The following PISD variants were observed in gnomAD, a reference collection of about 807,000 sequenced individuals.
PISD encodes phosphatidylserine decarboxylase.
Under a neutral mutation model 43.5 loss-of-function variants are expected in PISD, and 31 were observed. The ratio of observed to expected loss-of-function variants is 0.71; its 90% CI spans 0.54 to 0.96. The LOEUF (loss-of-function observed/expected upper bound fraction) is 0.96. Among genes scored for constraint, PISD ranks in the 40% least tolerant of loss-of-function variants. The probability of loss-of-function intolerance (pLI) is 0.00; values close to 1 mark genes in which losing one functional copy is unlikely to be tolerated. For synonymous variants in PISD, 259 were observed against 228.7 expected, an observed-to-expected ratio of 1.13 and a Z score of -1.20; for missense variants, 523 against 548.4, an observed-to-expected ratio of 0.95 and a Z score of 0.46.
chr22:31,643,481 G>C (rs2073796171), intron 3 of PISD, among the ~76,000 whole-genome samples: 1 of 152,108 alleles, frequency 6.6e-6, no homozygotes. Context: ...CATACCTACA[G>C]TCCACTACTG....
chr22:31,631,310 G>A (rs1330520888), intron 3 of PISD, among the ~76,000 whole-genome samples: 2 of 152,168 alleles, frequency 1.3e-5, no homozygotes, highest in Non-Finnish European at 2.9e-5. Flanking sequence ...TGAACAGAAA[G>A]CCACCCCTGC....
intron 1 of PISD, among the ~76,000 whole-genome samples, chr22:31,659,004 C>A (rs1339507523): frequency 6.6e-6 from 1 of 151,992 alleles, no homozygotes; most frequent in Admixed American, 6.6e-5. Flanking sequence ...CATGTATGCA[C>A]CACTATGACC....
At chr22:31,627,397 C>G (rs1014746288) in intron 3 of PISD, among the ~76,000 whole-genome samples, 1 of 152,262 alleles carries the variant, frequency 6.6e-6, no homozygotes. Flanking sequence ...ATAGACAGCC[C>G]CAGTGTCCAG....
intron 3 of PISD, chr22:31,626,206 T>A: frequency 3.3e-6 from 1 of 303,542 alleles, no homozygotes; most frequent in Non-Finnish European, 5.5e-6. Flanking sequence ...GGGGAGGCAG[T>A]AGGGGGCAAG....
chr22:31,621,545 C>G, intron 4 of PISD, 73 bp from the exon 5 acceptor site: 1 of 1,602,268 alleles, frequency 6.2e-7, no homozygotes, highest in East Asian at 2.2e-5. Context: ...CCCCACCTCC[C>G]CTTGTCATCC....
chr22:31,656,619 GC>G (rs2074184703), intron 1 of PISD, among the ~76,000 whole-genome samples: 1 of 151,834 alleles, frequency 6.6e-6, no homozygotes, highest in Non-Finnish European at 1.5e-5. Context: ...CTGCACTCCA[GC>G]CTGGGTGACA....
intron 1 of PISD, among the ~76,000 whole-genome samples, chr22:31,654,301 G>C (rs1157730283): frequency 6.6e-6 from 1 of 152,056 alleles, no homozygotes; most frequent in African/African-American, 2.4e-5. Flanking sequence ...CTCTATTTGT[G>C]AATTCTCCTT....
chr22:31,662,502 A>T, upstream of PISD: 1 of 495,494 alleles, frequency 2.0e-6, no homozygotes, highest in South Asian at 2.5e-5. Context: ...GTCATCCAAG[A>T]TCCAAGAATG....
intron 7 of PISD, among the ~76,000 whole-genome samples, chr22:31,620,188 G>C (rs2072444883): frequency 6.6e-6 from 1 of 152,212 alleles, no homozygotes; most frequent in South Asian, 2.1e-4. Flanking sequence ...CAGCAGACCT[G>C]CGAGTGCTGA....
intron 1 of PISD, among the ~76,000 whole-genome samples, chr22:31,659,547 TTATATC>T (rs1170591785): frequency 6.6e-6 from 1 of 152,110 alleles, no homozygotes; most frequent in African/African-American, 2.4e-5. Flanking sequence ...GAGCCCCAAC[TTATATC>T]TACTGAATCT....
rs747325568 is a variant in PISD at position 31,620,607 on chromosome 22, TGAG to T, written c.948_950del (p.Phe316_Ser317delinsLeu). 9 of 1,613,994 alleles carry T rather than the reference TGAG, an allele frequency of 5.6e-6. No individual in the cohort carries two copies. Reference sequence around the variant, plus strand: ...CGTTGGTGGCCCCCACAGCTGTCAGTGAGAAGAAGCCATGTTTCCAGTCCCCCG... The same window carrying T: ...CGTTGGTGGCCCCCACAGCTGTCAGTAAGAAGCCATGTTTCCAGTCCCCCG... On this transcript the variant is annotated inframe_deletion, in exon 7 of 8. Coordinates refer to ENST00000439502, the MANE Select transcript of PISD (RefSeq NM_001326411.2).
At chr22:31,620,043 T>TGGGCCCAGGGAGGACAGGGAACAGTG (rs1316307545) in intron 7 of PISD, among the ~76,000 whole-genome samples, 1 of 152,174 alleles carries the variant, frequency 6.6e-6, no homozygotes, top group East Asian at 1.9e-4. Context: ...TGCTGTGAAC[T>TGGGCCCAGGGAGGACAGGGAACAGTG]GGGCCCAGGG....
chr22:31,622,340 A>G (rs1603395061), intron 3 of PISD, among the ~76,000 whole-genome samples: 1 of 152,254 alleles, frequency 6.6e-6, no homozygotes, highest in Non-Finnish European at 1.5e-5. Context: ...TCCCAAGTGC[A>G]TGGAACAAGT....
At chr22:31,643,926 TAATCCCAG>T (rs1288846813) in intron 3 of PISD, among the ~76,000 whole-genome samples, 1 of 151,994 alleles carries the variant, frequency 6.6e-6, no homozygotes, top group African/African-American at 2.4e-5. Context: ...CGGGCACTTG[TAATCCCAG>T]CTACTCAGGA....
intron 1 of PISD, among the ~76,000 whole-genome samples, chr22:31,659,783 C>T (rs2074270818): frequency 6.6e-6 from 1 of 152,018 alleles, no homozygotes; most frequent in Admixed American, 6.6e-5. Flanking sequence ...GGGGTTTCAG[C>T]ATGTTGGCCA....
chr22:31,620,360 G>A (rs1269078094), intron 7 of PISD, among the ~76,000 whole-genome samples, 193 bp downstream of exon 7: 1 of 152,256 alleles, frequency 6.6e-6, no homozygotes, highest in Admixed American at 6.5e-5. Context: ...AGCAGTGCAA[G>A]GAGGGAGGGA....
At chr22:31,639,736 T>C (rs971975785) in intron 3 of PISD, among the ~76,000 whole-genome samples, 5 of 151,924 alleles carry the variant, frequency 3.3e-5, no homozygotes, top group African/African-American at 1.2e-4. Context: ...TGCAGCAGTA[T>C]AAACTATGGA....
At chr22:31,643,102 CA>C (rs79749046) in intron 3 of PISD, among the ~76,000 whole-genome samples, 6,938 of 60,496 alleles carry the variant, frequency 0.11, 151 homozygotes, top group African/African-American at 0.17. Context: ...AATGCCATCT[CA>C]AAAAAAAAAA....
At chr22:31,642,358 G>A in intron 3 of PISD, among the ~76,000 whole-genome samples, 1 of 151,298 alleles carries the variant, frequency 6.6e-6, no homozygotes, top group African/African-American at 2.5e-5. Flanking sequence ...GGGAGGCTGA[G>A]GTGAGAGGAC....
Sources: allele counts gnomAD v4.1 joint callset (sites outside exome capture counted in the v4.1 genomes callset), GRCh38; gene constraint gnomAD v4.1.1; transcripts MANE v1.5; gene names NCBI Gene and HGNC (gene_info 2026-07-23, HGNC 2026-07-21).